PCDHGA2: variants seen among roughly 807,000 people sequenced by gnomAD.
PCDHGA2 encodes protocadherin gamma subfamily A, 2, also known as protocadherin gamma-A2.
PCDHGA2 carries 40 observed loss-of-function variants against 59.2 expected under a neutral mutation model. The observed-to-expected ratio is 0.68, with a 90% CI of 0.52 to 0.88. PCDHGA2 has a LOEUF of 0.88. Ranked by LOEUF, PCDHGA2 falls within the 40% of genes least tolerant of loss-of-function variation. The pLI is 0.00. For synonymous variants in PCDHGA2, 560 were observed against 526.0 expected (o/e 1.06, Z -0.89); for missense variants, 1,226 against 1,204.0 (o/e 1.02, Z -0.27).
At chr5:141,362,055 G>A (rs762337183) in intron 1 of PCDHGA2, 4 of 1,611,832 alleles carry the variant, frequency 2.5e-6, no homozygotes, top group Non-Finnish European at 3.4e-6. Context: ...CGGCCCGCCA[G>A]CGCCTGCTGG....
chr5:141,420,022 TA>T (rs2096459209), intron 1 of PCDHGA2: 1 of 1,613,986 alleles, frequency 6.2e-7, no homozygotes. Flanking sequence ...CTTTCAGCCC[TA>T]CTGCAGGAGA....
chr5:141,423,865 T>G, intron 1 of PCDHGA2: 1 of 1,285,992 alleles, frequency 7.8e-7, no homozygotes, highest in Non-Finnish European at 9.9e-7. Flanking sequence ...TTTGTGAAAG[T>G]CATTTTTCAA....
chr5:141,351,635 G>A (rs988435575), intron 1 of PCDHGA2: 1 of 1,614,044 alleles, frequency 6.2e-7, no homozygotes, highest in Admixed American at 1.7e-5. Context: ...CCACGTGTCT[G>A]AGAACAACCC....
rs199507728 is a variant in PCDHGA2, at chr5:141,422,807, G to A, written c.2425-72000G>A. On this transcript the variant is annotated intron_variant, in intron 1 of 3. Coordinates refer to ENST00000394576, the MANE Select transcript of PCDHGA2 (RefSeq NM_018915.4). ...CAATCCTTCGACTATGAGCAGTTTC[G>A]AGACTTAGAACTGAGAGTGATAGCA... 1.9e-3 allele frequency: 3,146 copies of A among 1,614,198 alleles called. 36 individuals are homozygous for A. The highest frequency in any genetic ancestry group is 0.018 in the South Asian group (1,680 of 91,084).
chr5:141,399,867 C>T (rs766258677), intron 1 of PCDHGA2: 17 of 1,612,738 alleles, frequency 1.1e-5, no homozygotes, highest in South Asian at 3.3e-5. Context: ...CTGCAGAGCC[C>T]GGCTACCTGG....
chr5:141,408,125 C>T, intron 1 of PCDHGA2: 1 of 1,478,650 alleles, frequency 6.8e-7, no homozygotes, highest in South Asian at 1.4e-5. Context: ...CTGTCCTGGG[C>T]CGAATGCTCT....
At chr5:141,455,449 G>A (rs1421095381) in intron 1 of PCDHGA2, among the ~76,000 whole-genome samples, 1 of 152,126 alleles carries the variant, frequency 6.6e-6, no homozygotes, top group Non-Finnish European at 1.5e-5. Flanking sequence ...CATCTACCGC[G>A]GATACCAGCC....
rs374663576 is a variant in PCDHGA2 at position 141,489,905 on chromosome 5, G to A, written c.2425-4902G>A. The A allele has an allele frequency of 2.8e-4, 459 of 1,614,108 alleles. No homozygotes were observed. Among genetic ancestry groups the A allele is most frequent in the Non-Finnish European group, 3.4e-4 (405 of 1,180,054 alleles). On this transcript the variant is annotated intron_variant, in intron 1 of 3. Coordinates refer to ENST00000394576, the MANE Select transcript of PCDHGA2 (RefSeq NM_018915.4). The surrounding 1 kb of genome is among the most constrained non-coding windows in gnomAD (Gnocchi z 4.5). ...GCTGTGGATGGGGGGACCCCAGCCC[G>A]CTCAGGGACCACCCTTATCTCTGTC...
rs1486554010 is a variant in PCDHGA2 at position 141,431,630 on chromosome 5, G to C, written c.2425-63177G>C. Reference sequence around the variant, plus strand: ...GTATGTGGACGACAAGGCGGCCCAAGTTTTCAAACTAGATTGTAATTCAGG... The same window carrying C: ...GTATGTGGACGACAAGGCGGCCCAACTTTTCAAACTAGATTGTAATTCAGG... On this transcript the variant is annotated intron_variant, in intron 1 of 3. Transcript: ENST00000394576. This position sits in a 1 kb window ranked among gnomAD's most constrained non-coding sequence, Gnocchi z 4.8. 6.2e-7 allele frequency: 1 copy of C among 1,614,250 alleles called. No individual in the cohort carries two copies. Among genetic ancestry groups the C allele is most frequent in the East Asian group, 2.2e-5 (1 of 44,882 alleles).
intron 1 of PCDHGA2, among the ~76,000 whole-genome samples, chr5:141,470,256 A>G (rs1043528709): frequency 6.6e-6 from 1 of 152,228 alleles, no homozygotes; most frequent in African/African-American, 2.4e-5. Flanking sequence ...ACCTGTCTAA[A>G]TGGAGATACA....
intron 1 of PCDHGA2, chr5:141,416,320 A>G (rs1482631457): frequency 1.3e-5 from 2 of 152,208 alleles, no homozygotes; most frequent in East Asian, 1.9e-4. Flanking sequence ...TAGCATTTTA[A>G]TTTAACTTTC....
chr5:141,495,752 C>G (rs1310125902), intron 2 of PCDHGA2, among the ~76,000 whole-genome samples: 1 of 152,150 alleles, frequency 6.6e-6, no homozygotes, highest in Non-Finnish European at 1.5e-5. Flanking sequence ...TTCTCTATCT[C>G]TGCCTCCCTG....
At chr5:141,352,412 G>C in intron 1 of PCDHGA2, 1 of 1,613,998 alleles carries the variant, frequency 6.2e-7, no homozygotes, top group South Asian at 1.1e-5. Context: ...CTCCAGCCTC[G>C]ACACTGAGGG....
intron 1 of PCDHGA2, chr5:141,370,169 G>T (rs953635284): frequency 3.5e-5 from 16 of 454,700 alleles, no homozygotes; most frequent in African/African-American, 2.2e-4. Flanking sequence ...CAGCAGAGGC[G>T]CCGGGTGCCG....
chr5:141,447,389 C>T (rs1467715872), intron 1 of PCDHGA2, among the ~76,000 whole-genome samples: 1 of 152,150 alleles, frequency 6.6e-6, no homozygotes, highest in African/African-American at 2.4e-5. Context: ...CTGCCCACCT[C>T]GGCCTCCCAA....
chr5:141,422,069 C>A, intron 1 of PCDHGA2: 3 of 1,611,836 alleles, frequency 1.9e-6, no homozygotes, highest in Non-Finnish European at 2.5e-6. Flanking sequence ...GTAATGTATT[C>A]ATTTCGGAAC....
chr5:141,383,202 G>A, intron 1 of PCDHGA2: 1 of 1,614,060 alleles, frequency 6.2e-7, no homozygotes. Flanking sequence ...AGAGTGCGCG[G>A]TGTCTGGTAA....
At chr5:141,421,156 C>T in intron 1 of PCDHGA2, 1 of 1,197,694 alleles carries the variant, frequency 8.3e-7, no homozygotes, top group Non-Finnish European at 1.1e-6. Flanking sequence ...CGGCCTAGGA[C>T]TTCATAGATA....
intron 1 of PCDHGA2, chr5:141,413,123 AAACACAC>A (rs2095606041): frequency 2.0e-6 from 3 of 1,526,818 alleles, no homozygotes; most frequent in Middle Eastern, 3.6e-4. Context: ...GAACCGGTTG[AAACACAC>A]AACGTGTCCA....
Sources: allele counts gnomAD v4.1 joint callset (sites outside exome capture counted in the v4.1 genomes callset), GRCh38; gene constraint gnomAD v4.1.1; non-coding constraint Gnocchi (gnomAD v3.1); transcripts MANE v1.5; gene names NCBI Gene and HGNC (gene_info 2026-07-23, HGNC 2026-07-21).